IGF1: variants seen among roughly 807,000 people sequenced by gnomAD.
IGF1 encodes the protein insulin-like growth factor 1.
A neutral mutation model predicts 13.8 loss-of-function variants in IGF1; 4 were observed. That is an observed-to-expected ratio of 0.29 (90% CI 0.14 to 0.66). The LOEUF (loss-of-function observed/expected upper bound fraction) is 0.66, where lower values mean the gene tolerates loss of function less well. Ranked by LOEUF, IGF1 falls within the 30% of genes least tolerant of loss-of-function variation. IGF1 has a pLI of 0.78. For missense variants in IGF1, 124 were observed against 188.5 expected, an observed-to-expected ratio of 0.66 and a Z score of 2.00; for synonymous variants, 76 against 72.6, an observed-to-expected ratio of 1.05 and a Z score of -0.23.
intron 2 of IGF1, among the ~76,000 whole-genome samples, chr12:102,472,726 A>G (rs1270629239): frequency 6.6e-6 from 1 of 152,198 alleles, no homozygotes; most frequent in Non-Finnish European, 1.5e-5. Context: ...ACACACAGTA[A>G]ATCTCAGCGG....
At chr12:102,419,444 G>T in intron 3 of IGF1, 65 bp downstream of exon 3, 1 of 1,505,532 alleles carries the variant, frequency 6.6e-7, no homozygotes, top group Non-Finnish European at 9.1e-7. Context: ...TTTCTGCTTG[G>T]CCCACCCACA....
chr12:102,417,869 C>T, intron 3 of IGF1: 1 of 1,614,036 alleles, frequency 6.2e-7, no homozygotes, highest in Non-Finnish European at 8.5e-7. Context: ...CAATCTCCCT[C>T]CTCTGCTCTT....
At chr12:102,439,485 C>T (rs1877524487) in intron 2 of IGF1, among the ~76,000 whole-genome samples, 2 of 152,112 alleles carry the variant, frequency 1.3e-5, no homozygotes, top group African/African-American at 2.4e-5. Context: ...CTCCATCTGG[C>T]AGAGACAAGT....
At chr12:102,466,064 T>A (rs1880286907) in intron 2 of IGF1, among the ~76,000 whole-genome samples, 1 of 152,172 alleles carries the variant, frequency 6.6e-6, no homozygotes, top group Non-Finnish European at 1.5e-5. Context: ...TCTGAACCAT[T>A]TCTGCCTGCC....
intron 2 of IGF1, among the ~76,000 whole-genome samples, chr12:102,454,587 C>T (rs1376836710): frequency 2.6e-5 from 4 of 152,234 alleles, no homozygotes; most frequent in African/African-American, 9.6e-5. Flanking sequence ...GCATGACACT[C>T]TCCATGAAGC....
In IGF1 at chr12:102,402,278, A is replaced by G; in HGVS notation, c.*229T>C. 2 of 484,872 alleles carry G rather than the reference A, an allele frequency of 4.1e-6. No homozygotes were observed. The highest frequency in any genetic ancestry group is 3.9e-4 in the Middle Eastern group (1 of 2,562). 30.0% of individuals were successfully genotyped at this position (484,872 alleles called of 1,614,324 possible). On this transcript the variant is annotated 3_prime_UTR_variant, in exon 4 of 4. Transcript: ENST00000337514. Reference sequence around the variant, plus strand: ...TTCTTTTCTATAGAACATTATTGATAAAAGATCAACAGCAATCTACCAACT... The same window carrying G: ...TTCTTTTCTATAGAACATTATTGATGAAAGATCAACAGCAATCTACCAACT...
chr12:102,449,575 A>T (rs1475009500), intron 2 of IGF1, among the ~76,000 whole-genome samples: 1 of 150,996 alleles, frequency 6.6e-6, no homozygotes, highest in East Asian at 2.0e-4. Flanking sequence ...CCCCATTGCT[A>T]CGGTTTTCTG....
At chr12:102,438,751 T>C (rs1877455977) in intron 2 of IGF1, among the ~76,000 whole-genome samples, 2 of 152,146 alleles carry the variant, frequency 1.3e-5, no homozygotes, top group African/African-American at 2.4e-5. Flanking sequence ...GCTGGGTCTG[T>C]CAGAAGAAAA....
intron 1 of IGF1, chr12:102,478,707 C>T (rs1881224297): frequency 1.6e-6 from 2 of 1,261,576 alleles, no homozygotes; most frequent in Non-Finnish European, 2.1e-6. Flanking sequence ...ACAAATTGCA[C>T]AGCTGGGATT....
At chr12:102,475,173 C>T (rs1880936438) in intron 2 of IGF1, among the ~76,000 whole-genome samples, 1 of 152,122 alleles carries the variant, frequency 6.6e-6, no homozygotes. Flanking sequence ...ATGGAGACAT[C>T]TAGGATATGC....
chr12:102,452,124 T>A (rs1369354120), intron 2 of IGF1, among the ~76,000 whole-genome samples: 1 of 151,244 alleles, frequency 6.6e-6, no homozygotes, highest in Non-Finnish European at 1.5e-5. Context: ...TAGCCGGGCG[T>A]GGTAGCGGGC....
chr12:102,406,306 G>A (rs1010127759), intron 3 of IGF1, among the ~76,000 whole-genome samples: 3 of 152,200 alleles, frequency 2.0e-5, no homozygotes, highest in African/African-American at 7.2e-5. Flanking sequence ...GCGGCAAGTG[G>A]AGGCATGTTA....
At chr12:102,415,256 TCATCCATC>T (rs66536957) in intron 3 of IGF1, among the ~76,000 whole-genome samples, 73,873 of 148,292 alleles carry the variant, frequency 0.5, 18,384 homozygotes, top group Middle Eastern at 0.54. Flanking sequence ...AACCATCCAT[TCATCCATC>T]CATCCATCCA....
intron 2 of IGF1, among the ~76,000 whole-genome samples, chr12:102,439,376 A>C (rs1291499150): frequency 1.3e-5 from 2 of 152,222 alleles, no homozygotes; most frequent in Non-Finnish European, 2.9e-5. Flanking sequence ...CAGGTAAAGA[A>C]ACATTAGAAG....
At chr12:102,441,388 T>C (rs1202853231) in intron 2 of IGF1, among the ~76,000 whole-genome samples, 1 of 152,230 alleles carries the variant, frequency 6.6e-6, no homozygotes, top group East Asian at 1.9e-4. Flanking sequence ...GTCCTCCCAC[T>C]CTTACTGCCT....
intron 1 of IGF1, among the ~76,000 whole-genome samples, chr12:102,476,161 G>C (rs965016885): frequency 6.6e-6 from 1 of 152,170 alleles, no homozygotes; most frequent in Non-Finnish European, 1.5e-5. Flanking sequence ...GACCCTGGTA[G>C]AACTTTTGAA....
At chr12:102,468,669 C>G (rs892940383) in intron 2 of IGF1, among the ~76,000 whole-genome samples, 5 of 152,236 alleles carry the variant, frequency 3.3e-5, no homozygotes, top group Admixed American at 3.3e-4. Flanking sequence ...GGGGTTTGAA[C>G]TTTCCAGGCA....
chr12:102,441,947 T>TTCC (rs1877855947), intron 2 of IGF1, among the ~76,000 whole-genome samples: 2 of 142,526 alleles, frequency 1.4e-5, no homozygotes, highest in African/African-American at 2.6e-5. Context: ...CTTCTTCTTC[T>TTCC]TCTTCTTCTT....
At chr12:102,451,264 T>C (rs1264027012) in intron 2 of IGF1, among the ~76,000 whole-genome samples, 1 of 152,238 alleles carries the variant, frequency 6.6e-6, no homozygotes, top group East Asian at 1.9e-4. Flanking sequence ...CATTTGATCT[T>C]CAAGGATAAG....
Sources: allele counts gnomAD v4.1 joint callset (sites outside exome capture counted in the v4.1 genomes callset), GRCh38; gene constraint gnomAD v4.1.1; transcripts MANE v1.5; gene names NCBI Gene and HGNC (gene_info 2026-07-23, HGNC 2026-07-21).